The following MEGF8 variants were observed in gnomAD, a reference collection of about 807,000 sequenced individuals.
MEGF8 encodes multiple EGF like domains 8, also known as multiple epidermal growth factor-like domains protein 8.
In MEGF8, 156 loss-of-function variants were observed where a neutral mutation model predicts 302.9. The observed-to-expected ratio is 0.52, with a 90% CI of 0.45 to 0.59. The LOEUF is 0.59. MEGF8 is among the 20% of genes least tolerant of loss of function. The probability of loss-of-function intolerance (pLI) is 0.00; values close to 1 mark genes in which losing one functional copy is unlikely to be tolerated. For missense variants in MEGF8, 3,345 were observed against 3,964.5 expected, an observed-to-expected ratio of 0.84 and a Z score of 4.20; for synonymous variants, 1,621 against 1,660.5, an observed-to-expected ratio of 0.98 and a Z score of 0.58.
At position 42,336,273 on chromosome 19, in the gene MEGF8, G is replaced by A; in HGVS notation, c.1171G>A (p.Gly391Ser). Residue 391 changes from glycine (G) to serine (S), a missense_variant, in exon 6 of 42, where the codon GGC becomes AGC. Coordinates refer to ENST00000251268, the MANE Select transcript of MEGF8 (RefSeq NM_001271938.2). This position sits in a 1 kb window ranked among gnomAD's most constrained non-coding sequence, Gnocchi z 4.8. ...AGGCGGACGGCCCCCTGCTGCCACT[G>A]GCCACTCCATGGTGTTCCATGCCCC... ...PAGGRPPAAT[G>S]HSMVFHAPSR... 6.2e-7 allele frequency: 1 copy of A among 1,608,146 alleles called. No individual in the cohort carries two copies. Among genetic ancestry groups the A allele is most frequent in the Non-Finnish European group, 8.5e-7 (1 of 1,179,820 alleles).
Position 42,358,800 on chromosome 19 carries a change from G to A in MEGF8, c.5189G>A (p.Arg1730Lys). 6.4e-7 allele frequency: 1 copy of A among 1,566,396 alleles called. No individual in the cohort carries two copies. The highest frequency in any genetic ancestry group is 8.6e-7 in the Non-Finnish European group (1 of 1,157,462). The change falls in exon 30 of 42, where the codon AGG becomes AAG. Residue 1730 changes from arginine (R) to lysine (K), a missense_variant. By Grantham distance (26) the Arg-to-Lys change is conservative. Transcript: ENST00000251268. The surrounding 1 kb of genome is among the most constrained non-coding windows in gnomAD (Gnocchi z 4.4). ...CACTGTCACTAGCGAGATCGTATGA[G>A]GAATGTGCGTGGCTCATCTCGGGGT... ...PSQGAKRDRM[R>K]NVRGSSRGLG...
chr19:42,352,665 G>T lies in MEGF8; in HGVS notation c.3350+209G>T, dbSNP rs2039393864. ...TACCATGGAAATGGGGCACCCATAG[G>T]CTGTGGGCCATAGTCTTCAGCGTTG... is the stretch of plus-strand genomic sequence containing the variant. On this transcript the variant is annotated intron_variant, in intron 19 of 41. Transcript: ENST00000251268. The surrounding 1 kb of genome is among the most constrained non-coding windows in gnomAD (Gnocchi z 4.4). 1.4e-6 allele frequency: 1 copy of T among 704,276 alleles called. No individual in the cohort carries two copies. 43.6% of individuals were successfully genotyped at this position (704,276 alleles called of 1,614,324 possible).
chr19:42,359,906 G>T (rs928111013), intron 31 of MEGF8, among the ~76,000 whole-genome samples: 1 of 132,596 alleles, frequency 7.5e-6, no homozygotes, highest in Non-Finnish European at 1.5e-5. Flanking sequence ...TGTTGCCCAC[G>T]CTGGTCTTGA....
Position 42,336,921 on chromosome 19 carries a change from C to T in MEGF8, c.1359C>T (p.Ala453=), listed in dbSNP as rs1397321730. ...CAAGGGAGCGAGCCTTCCACACAGC[C>T]AGTGTTCTGGGCAATTACATGGTGG... ...QGPRERAFHT[A]SVLGNYMVVY... The change falls in exon 7 of 42, where the codon GCC becomes GCT. Residue 453 remains alanine, a synonymous_variant. Transcript: ENST00000251268. The surrounding 1 kb of genome is among the most constrained non-coding windows in gnomAD (Gnocchi z 4.8). The T allele has an allele frequency of 7.4e-6, 12 of 1,613,884 alleles. No homozygotes were observed. The highest frequency in any genetic ancestry group is 1.0e-5 in the Non-Finnish European group (12 of 1,179,822).
chr19:42,357,328 G>C lies in MEGF8; in HGVS notation c.4831-76G>C. On this transcript the variant is annotated intron_variant, in intron 27 of 41. Coordinates refer to ENST00000251268, the MANE Select transcript of MEGF8 (RefSeq NM_001271938.2). The surrounding 1 kb of genome is among the most constrained non-coding windows in gnomAD (Gnocchi z 5.2). ...AGTACTTCAGGGAGGACTGTGGGGG[G>C]CTGAGGCTCGCTTCTACCCACAAGG... The C allele has an allele frequency of 1.3e-6, 2 of 1,521,430 alleles. No individual in the cohort carries two copies. Among genetic ancestry groups the C allele is most frequent in the East Asian group, 4.5e-5 (2 of 44,076 alleles). 94.2% of individuals were successfully genotyped at this position (1,521,430 alleles called of 1,614,324 possible).
chr19:42,336,879 G>C lies in MEGF8; in HGVS notation c.1317G>C (p.Arg439=), dbSNP rs2039135754. The C allele has an allele frequency of 1.9e-6, 3 of 1,613,314 alleles. No individual in the cohort carries two copies. The highest frequency in any genetic ancestry group is 2.5e-6 in the Non-Finnish European group (3 of 1,179,674). The change falls in exon 7 of 42, where the codon CGG becomes CGC. Residue 439 remains arginine (R), a synonymous_variant. Transcript: ENST00000251268. This position sits in a 1 kb window ranked among gnomAD's most constrained non-coding sequence, Gnocchi z 4.8. ...ATGTGTGGACGACGCTGAAGGGGCG[G>C]GATGGGCTTCAGGGCCCAAGGGAGC... The part of the protein sequence containing the change: ...DRHVWTTLKG[R]DGLQGPRERA...
At position 42,368,914 on chromosome 19, in the gene MEGF8, G is replaced by A. The variant is rs1183931335; in HGVS notation, c.6553G>A (p.Gly2185Arg). Residue 2185 changes from glycine to arginine, a missense_variant, in exon 37 of 42, where the codon GGG becomes AGG. By Grantham distance (125) the Gly-to-Arg change is moderately radical. Coordinates refer to ENST00000251268, the MANE Select transcript of MEGF8 (RefSeq NM_001271938.2). The surrounding 1 kb of genome is among the most constrained non-coding windows in gnomAD (Gnocchi z 4.9). Reference protein sequence around the residue: ...SCPPEDECANGHHDCNETQNC... With the variant: ...SCPPEDECANRHHDCNETQNC... ...CCCCCCTGAGGACGAGTGTGCAAAC[G>A]GGCACCACGACTGCAACGAGACGCA... 4 of 1,613,902 alleles carry A rather than the reference G, an allele frequency of 2.5e-6. No homozygotes were observed. The highest frequency in any genetic ancestry group is 2.2e-5 in the South Asian group (2 of 91,090).
rs1249758482 is a variant in MEGF8, at chr19:42,376,020, C to T, written c.7783C>T (p.Arg2595Trp). The change falls in exon 42 of 42, where the codon CGG (arginine) becomes TGG (tryptophan). Residue 2595 changes from arginine to tryptophan, a missense_variant. Physicochemically the swap from Arg to Trp is moderately radical, Grantham distance 101. Coordinates refer to ENST00000251268, the MANE Select transcript of MEGF8 (RefSeq NM_001271938.2). The surrounding 1 kb of genome is among the most constrained non-coding windows in gnomAD (Gnocchi z 8.2). ...GCTGGTGGTCCGCGGCGTGCGGGACCGGCTGGTCATCACCTACCCACACGA... is the reference window on the plus strand; with the variant it reads ...GCTGGTGGTCCGCGGCGTGCGGGACTGGCTGGTCATCACCTACCCACACGA... The part of the protein sequence containing the change: ...AVLVVRGVRD[R>W]LVITYPHEHH... 6.9e-6 allele frequency: 11 copies of T among 1,604,958 alleles called. No homozygotes were observed. Among genetic ancestry groups the T allele is most frequent in the South Asian group, 1.1e-5 (1 of 90,624 alleles).
chr19:42,348,490 A>G lies in MEGF8; in HGVS notation c.2298+18A>G. 1 of 1,500,964 alleles carries G rather than the reference A, an allele frequency of 6.7e-7. No individual in the cohort carries two copies. Among genetic ancestry groups the G allele is most frequent in the Non-Finnish European group, 8.9e-7 (1 of 1,123,832 alleles). The allele number at this position is 1,500,964 out of a possible 1,614,324, so 93.0% of individuals were successfully genotyped here. On this transcript the variant is annotated intron_variant, in intron 13 of 41. Coordinates refer to ENST00000251268, the MANE Select transcript of MEGF8 (RefSeq NM_001271938.2). ...AGAACATGGTGAGGCCGCCTGGGACATTCAGGGGGTTGTTTATGGTAAATA... is the reference window on the plus strand; with the variant it reads ...AGAACATGGTGAGGCCGCCTGGGACGTTCAGGGGGTTGTTTATGGTAAATA...
At chr19:42,349,207 G>A (rs928439858) in intron 13 of MEGF8, among the ~76,000 whole-genome samples, 1 of 151,910 alleles carries the variant, frequency 6.6e-6, no homozygotes, top group Non-Finnish European at 1.5e-5. Context: ...GGCTGAGGTG[G>A]GAGGATCACT....
intron 41 of MEGF8, among the ~76,000 whole-genome samples, chr19:42,373,933 G>C (rs1012481303): frequency 6.6e-6 from 1 of 151,896 alleles, no homozygotes; most frequent in African/African-American, 2.4e-5. Context: ...GACTGGTCTC[G>C]AACTCCTGGG....
Position 42,343,553 on chromosome 19 carries a change from G to C in MEGF8, c.1590G>C (p.Gly530=). ...VLGGSVLLVA[G]GYSGRPRGDL... is the part of the protein sequence containing the mutation. The stretch of plus-strand genomic sequence containing the variant: ...GTGGCAGCGTCCTGTTGGTGGCTGG[G>C]GGGTACAGCGGCCGGCCCCGTGGGG... Residue 530 remains glycine (G), a synonymous_variant, in exon 9 of 42, where the codon GGG becomes GGC. Transcript: ENST00000251268. 6.2e-7 allele frequency: 1 copy of C among 1,613,594 alleles called. No homozygotes were observed. Among genetic ancestry groups the C allele is most frequent in the Non-Finnish European group, 8.5e-7 (1 of 1,179,760 alleles).
chr19:42,358,084 TC>T lies in MEGF8; in HGVS notation c.5012-59del. 1 of 1,402,260 alleles carries T rather than the reference TC, an allele frequency of 7.1e-7. No homozygotes were observed. Among genetic ancestry groups the T allele is most frequent in the Non-Finnish European group, 9.3e-7 (1 of 1,074,596 alleles). The allele number at this position is 1,402,260 out of a possible 1,614,324, so 86.9% of individuals were successfully genotyped here. A position where few individuals can be genotyped will look rare whatever the true frequency, so the allele number is the denominator to read the frequency against. On this transcript the variant is annotated intron_variant, in intron 28 of 41. Transcript: ENST00000251268. The surrounding 1 kb of genome is among the most constrained non-coding windows in gnomAD (Gnocchi z 4.4). ...GGTCACCGAACAGGGGACCGGGAGG[TC>T]GGCGGGGTCAGTGCTGTTGTCAGCC... is the stretch of plus-strand genomic sequence containing the variant.
In MEGF8 at chr19:42,333,591, T is replaced by C. The variant is rs1568555409; in HGVS notation, c.188-14T>C. ...TCCGCTTTAGAGCTTGGTCCCTCTG[T>C]GCTCACCTCCCAGCCCCAAGCCCCC... On this transcript the variant is annotated splice_polypyrimidine_tract_variant and intron_variant, in intron 1 of 41. Coordinates refer to ENST00000251268, the MANE Select transcript of MEGF8 (RefSeq NM_001271938.2). 6.2e-7 allele frequency: 1 copy of C among 1,611,894 alleles called. No individual in the cohort carries two copies. Among genetic ancestry groups the C allele is most frequent in the Admixed American group, 1.7e-5 (1 of 59,926 alleles).
At chr19:42,362,027 G>C (rs2039538427) in intron 32 of MEGF8, 63 bp from the exon 33 acceptor site, 1 of 1,592,284 alleles carries the variant, frequency 6.3e-7, no homozygotes, top group Non-Finnish European at 8.5e-7. Context: ...GCAGGACAGT[G>C]TCTGGGAGGC....
chr19:42,372,321 GA>G (rs1459370917), intron 41 of MEGF8, among the ~76,000 whole-genome samples: 1 of 152,150 alleles, frequency 6.6e-6, no homozygotes, highest in Non-Finnish European at 1.5e-5. Flanking sequence ...TTAATACCCA[GA>G]TTCAAATTCC....
Position 42,336,250 on chromosome 19 carries a change from G to T in MEGF8, c.1148G>T (p.Gly383Val), listed in dbSNP as rs774720321. ...TATTGGGAGCAGGTGATTCCGGCAG[G>T]CGGACGGCCCCCTGCTGCCACTGGC... Reference protein sequence around the residue: ...GGYWEQVIPAGGRPPAATGHS... With the variant: ...GGYWEQVIPAVGRPPAATGHS... The change falls in exon 6 of 42, where the codon GGC (glycine) becomes GTC (valine). Residue 383 changes from glycine (G) to valine (V), a missense_variant. Physicochemically the swap from Gly to Val is moderately radical, Grantham distance 109. Coordinates refer to ENST00000251268, the MANE Select transcript of MEGF8 (RefSeq NM_001271938.2). The surrounding 1 kb of genome is among the most constrained non-coding windows in gnomAD (Gnocchi z 4.8). 2.6e-5 allele frequency: 42 copies of T among 1,607,292 alleles called. No homozygotes were observed. Among genetic ancestry groups the T allele is most frequent in the Non-Finnish European group, 3.5e-5 (41 of 1,179,728 alleles).
rs2039398655 is a variant in MEGF8 at position 42,353,002 on chromosome 19, C to T, written c.3425C>T (p.Thr1142Ile). 6.3e-7 allele frequency: 1 copy of T among 1,584,252 alleles called. No individual in the cohort carries two copies. The highest frequency in any genetic ancestry group is 8.6e-7 in the Non-Finnish European group (1 of 1,165,894). The change falls in exon 20 of 42, where the codon ACA becomes ATA. Residue 1142 changes from threonine to isoleucine, a missense_variant. Physicochemically the swap from Thr to Ile is moderately conservative, Grantham distance 89. Transcript: ENST00000251268. The surrounding 1 kb of genome is among the most constrained non-coding windows in gnomAD (Gnocchi z 6.1). The part of the protein sequence containing the change: ...DFTCVCDLGW[T>I]SDLPPPTPAP... ...ACCTGCGTGTGTGACCTAGGCTGGACATCAGACCTGCCCCCTCCCACACCC... is the reference window on the plus strand; with the variant it reads ...ACCTGCGTGTGTGACCTAGGCTGGATATCAGACCTGCCCCCTCCCACACCC...
rs530403086 is a variant in MEGF8, at chr19:42,348,146, C to T, written c.2098-126C>T. ...TTTGACAAGCCACCTAACCCCTGTC[C>T]CTCTGCCTCAGTCTCTCATTTGGTA... On this transcript the variant is annotated intron_variant, in intron 12 of 41. Transcript: ENST00000251268. 6.9e-6 allele frequency: 6 copies of T among 869,818 alleles called. No individual in the cohort carries two copies. The South Asian group carries it at 1.1e-4, about 16-fold the overall frequency. 53.9% of individuals were successfully genotyped at this position (869,818 alleles called of 1,614,324 possible). A position where few individuals can be genotyped will look rare whatever the true frequency, so the allele number is the denominator to read the frequency against.
Sources: gnomAD v4.1 joint callset for allele counts (sites outside exome capture counted in the v4.1 genomes callset) on GRCh38, gnomAD v4.1.1 for gene constraint, Gnocchi (gnomAD v3.1) non-coding constraint, MANE v1.5 for transcripts, NCBI Gene and HGNC (gene_info 2026-07-23, HGNC 2026-07-21) for gene names.